Variants in NRXN3 observed in about 807,000 individuals in gnomAD.
NRXN3 encodes neurexin III.
Under a neutral mutation model 137.6 loss-of-function variants are expected in NRXN3, and 32 were observed. The ratio of observed to expected loss-of-function variants is 0.23; its 90% CI spans 0.18 to 0.31. The LOEUF is 0.31. NRXN3 is among the 10% of genes least tolerant of loss of function. NRXN3 has a pLI of 1.00. For synonymous variants in NRXN3, 798 were observed against 784.5 expected (o/e 1.02, Z -0.29); for missense variants, 1,574 against 2,062.5 (o/e 0.76, Z 4.59).
At chr14:79,058,415 C>T (rs955480255) in intron 15 of NRXN3, among the ~76,000 whole-genome samples, 1 of 151,994 alleles carries the variant, frequency 6.6e-6, no homozygotes, top group Non-Finnish European at 1.5e-5. Flanking sequence ...GACAATGGAA[C>T]ACAGGCTTGA....
At chr14:79,459,033 A>T (rs1368965859) in intron 15 of NRXN3, among the ~76,000 whole-genome samples, 3 of 150,510 alleles carry the variant, frequency 2.0e-5, no homozygotes, top group Admixed American at 1.3e-4. Context: ...CCTTCTTTCC[A>T]TCATCATCAG....
At chr14:78,731,138 G>A (rs1016652578) in intron 8 of NRXN3, among the ~76,000 whole-genome samples, 3 of 151,892 alleles carry the variant, frequency 2.0e-5, no homozygotes, top group African/African-American at 7.3e-5. Context: ...ACAGAGTAGC[G>A]TTCCTGGGGG....
intron 15 of NRXN3, among the ~76,000 whole-genome samples, chr14:79,098,712 C>A (rs2050765033): frequency 6.6e-6 from 1 of 152,160 alleles, no homozygotes; most frequent in Admixed American, 6.5e-5. Context: ...ACAATGGTGC[C>A]TGCAAGAGGA....
chr14:79,613,135 G>A (rs1326753032), intron 16 of NRXN3, among the ~76,000 whole-genome samples: 2 of 152,152 alleles, frequency 1.3e-5, no homozygotes, highest in Non-Finnish European at 2.9e-5. Flanking sequence ...ATCTTCAGAA[G>A]CCTATTTAAT....
intron 16 of NRXN3, among the ~76,000 whole-genome samples, chr14:79,608,782 A>AT (rs1007417680): frequency 4.7e-4 from 70 of 150,228 alleles, no homozygotes; most frequent in East Asian, 2.9e-3. Flanking sequence ...CCATTTGTTG[A>AT]TTTTTTTTTT....
chr14:78,563,382 G>A (rs942077032), intron 4 of NRXN3, among the ~76,000 whole-genome samples: 2 of 152,328 alleles, frequency 1.3e-5, no homozygotes, highest in African/African-American at 4.8e-5. Flanking sequence ...ACGGAAATAG[G>A]TTTGATGAAA....
chr14:79,686,635 C>G (rs2098696249), intron 17 of NRXN3, among the ~76,000 whole-genome samples: 1 of 152,098 alleles, frequency 6.6e-6, no homozygotes, highest in South Asian at 2.1e-4. Context: ...CAAGAGTCAT[C>G]TAGATTAAAT....
Position 79,865,581 on chromosome 14 carries a change from G to A in NRXN3, c.*3617G>A, listed in dbSNP as rs1242110773. Reference sequence around the variant, plus strand: ...GGGGGAGAAAGTCAGGTTCAGTGATGTCAAATTATGTAAAGTTTTTTTTTT... The same window carrying A: ...GGGGGAGAAAGTCAGGTTCAGTGATATCAAATTATGTAAAGTTTTTTTTTT... On this transcript the variant is annotated 3_prime_UTR_variant, in exon 21 of 21. Coordinates refer to ENST00000335750, the MANE Select transcript of NRXN3 (RefSeq NM_001330195.2). 6.6e-6 allele frequency: 1 copy of A among 152,076 alleles called. No homozygotes were observed. Among genetic ancestry groups the A allele is most frequent in the Non-Finnish European group, 1.5e-5 (1 of 68,028 alleles). 9.4% of individuals were successfully genotyped at this position (152,076 alleles called of 1,614,324 possible).
chr14:79,562,264 A>G lies in NRXN3; in HGVS notation c.3444+94862A>G, dbSNP rs59095593. Among the ~76,000 whole-genome samples, 350 of 152,284 alleles carry G rather than the reference A, an allele frequency of 2.3e-3. 1 individual carries two copies. Among genetic ancestry groups the G allele is most frequent in the African/African-American group, 8.2e-3 (341 of 41,568 alleles). On this transcript the variant is annotated intron_variant, in intron 16 of 20. Transcript: ENST00000335750. ...TATTCTAATAACCAGATCCAATGCTATAATGCTGCAAATTATAGGCCCTAT... is the reference window on the plus strand; with the variant it reads ...TATTCTAATAACCAGATCCAATGCTGTAATGCTGCAAATTATAGGCCCTAT...
intron 20 of NRXN3, among the ~76,000 whole-genome samples, chr14:79,845,592 GAGAGAGAGAGAC>G (rs1480863152): frequency 3.1e-4 from 3 of 9,612 alleles, no homozygotes; most frequent in Non-Finnish European, 5.3e-4. Context: ...GAGAGACAGA[GAGAGAGAGAGAC>G]AGAGAGAGAG....
At position 78,929,634 on chromosome 14, in the gene NRXN3, G is replaced by A. The variant is rs115675219; in HGVS notation, c.2276-27608G>A. ...GGGTTGATTCCATGACTTTGCTATC[G>A]TACAGTGCTTCAGTGAACATACACA... On this transcript the variant is annotated intron_variant, in intron 10 of 20. Coordinates refer to ENST00000335750, the MANE Select transcript of NRXN3 (RefSeq NM_001330195.2). 8.1e-3 allele frequency among the ~76,000 whole-genome samples: 1,229 copies of A among 152,142 alleles called. 19 individuals carry two copies. Among genetic ancestry groups the A allele is most frequent in the African/African-American group, 0.028 (1,170 of 41,494 alleles).
rs541212406 is a variant in NRXN3, at chr14:79,565,287, G to A, written c.3444+97885G>A. 7.9e-4 allele frequency among the ~76,000 whole-genome samples: 88 copies of A among 111,170 alleles called. 1 individual carries two copies. The highest frequency in any genetic ancestry group is 2.2e-3 in the East Asian group (8 of 3,572). 72.9% of individuals were successfully genotyped at this position (111,170 alleles called of 152,430 possible). ...CACATGTGTGTGTGTATACATATAC[G>A]CACACATGTGTATATACATATACAC... is the stretch of plus-strand genomic sequence containing the variant. On this transcript the variant is annotated intron_variant, in intron 16 of 20. Coordinates refer to ENST00000335750, the MANE Select transcript of NRXN3 (RefSeq NM_001330195.2).
intron 4 of NRXN3, among the ~76,000 whole-genome samples, chr14:78,426,308 C>T (rs2093662289): frequency 6.6e-6 from 1 of 152,158 alleles, no homozygotes; most frequent in African/African-American, 2.4e-5. Flanking sequence ...TGGCTTCTTC[C>T]AGGGGCACGT....
At chr14:78,452,081 C>T (rs1020206085) in intron 4 of NRXN3, among the ~76,000 whole-genome samples, 8 of 152,202 alleles carry the variant, frequency 5.3e-5, no homozygotes, top group African/African-American at 1.9e-4. Context: ...ATATAGCTGA[C>T]ATTTATGAAA....
intron 15 of NRXN3, among the ~76,000 whole-genome samples, chr14:79,115,975 G>A (rs1424570918): frequency 6.6e-6 from 1 of 152,092 alleles, no homozygotes; most frequent in Admixed American, 6.5e-5. Flanking sequence ...ATGCACCCAT[G>A]GAAGCTAAAG....
chr14:78,182,428 G>A (rs1471648611), intron 1 of NRXN3, among the ~76,000 whole-genome samples: 1 of 152,138 alleles, frequency 6.6e-6, no homozygotes, highest in African/African-American at 2.4e-5. Context: ...CTGGCCACGT[G>A]TGGAGCTCTT....
chr14:79,772,272 A>G (rs972770952), intron 19 of NRXN3, among the ~76,000 whole-genome samples: 7 of 152,182 alleles, frequency 4.6e-5, no homozygotes, highest in African/African-American at 1.7e-4. Flanking sequence ...ATTGGAAAAA[A>G]CTACTTTAAA....
chr14:79,440,746 A>T (rs1424485942), intron 15 of NRXN3, among the ~76,000 whole-genome samples: 2 of 152,182 alleles, frequency 1.3e-5, no homozygotes, highest in Admixed American at 1.3e-4. Context: ...TTCAAAAAAA[A>T]ATTTTTTTTA....
At chr14:78,948,588 A>C (rs1030764090) in intron 10 of NRXN3, among the ~76,000 whole-genome samples, 1 of 112,620 alleles carries the variant, frequency 8.9e-6, no homozygotes, top group African/African-American at 3.1e-5. Context: ...CAAATATGAT[A>C]TTTTTCATAC....
Sources: allele counts gnomAD v4.1 joint callset (sites outside exome capture counted in the v4.1 genomes callset), GRCh38; gene constraint gnomAD v4.1.1; transcripts MANE v1.5; gene names NCBI Gene and HGNC (gene_info 2026-07-23, HGNC 2026-07-21).